The following ATP9A variants were observed in gnomAD, a reference collection of about 807,000 sequenced individuals.
ATP9A encodes probable phospholipid-transporting ATPase IIA.
Under a neutral mutation model 144.1 loss-of-function variants are expected in ATP9A, and 52 were observed. That is an observed-to-expected ratio of 0.36 (90% CI 0.29 to 0.45). The LOEUF (loss-of-function observed/expected upper bound fraction) is 0.45. ATP9A is among the 20% of genes least tolerant of loss of function. The pLI, the probability that ATP9A is intolerant of heterozygous loss-of-function variation, is 1.00. For synonymous variants in ATP9A, 582 were observed against 557.4 expected, an observed-to-expected ratio of 1.04 and a Z score of -0.62; for missense variants, 947 against 1,392.7, an observed-to-expected ratio of 0.68 and a Z score of 5.09.
chr20:51,751,927 C>A (rs1159812320), intron 1 of ATP9A, among the ~76,000 whole-genome samples: 1 of 152,152 alleles, frequency 6.6e-6, no homozygotes, highest in African/African-American at 2.4e-5. Context: ...AATCAAGCAG[C>A]CAGTATTTAC....
chr20:51,707,641 T>C (rs1265983181), intron 4 of ATP9A, among the ~76,000 whole-genome samples: 6 of 152,192 alleles, frequency 3.9e-5, no homozygotes, highest in African/African-American at 1.4e-4. Flanking sequence ...TTTCAACTCC[T>C]GGGAACGATG....
At chr20:51,604,427 G>A (rs2077155208) in intron 27 of ATP9A, among the ~76,000 whole-genome samples, 1 of 152,238 alleles carries the variant, frequency 6.6e-6, no homozygotes, top group African/African-American at 2.4e-5. Context: ...AGGTTCTGGG[G>A]CTCGGCACCT....
intron 2 of ATP9A, among the ~76,000 whole-genome samples, chr20:51,727,780 A>G (rs1209480556): frequency 2.0e-5 from 3 of 151,434 alleles, no homozygotes; most frequent in Non-Finnish European, 4.4e-5. Context: ...AAAATAAAAA[A>G]AGTAGCCGGA....
At chr20:51,740,248 G>A (rs957038791) in intron 1 of ATP9A, among the ~76,000 whole-genome samples, 2 of 151,160 alleles carry the variant, frequency 1.3e-5, no homozygotes, top group African/African-American at 4.9e-5. Context: ...GTAGAGTCAG[G>A]GGTCTCCCTA....
intron 1 of ATP9A, among the ~76,000 whole-genome samples, chr20:51,742,893 G>A (rs536056667): frequency 6.6e-6 from 1 of 152,270 alleles, no homozygotes; most frequent in African/African-American, 2.4e-5. Context: ...AAATACTGAA[G>A]GGAAACTGAA....
chr20:51,683,047 G>A (rs901488339), intron 9 of ATP9A, among the ~76,000 whole-genome samples: 5 of 150,522 alleles, frequency 3.3e-5, no homozygotes, highest in Non-Finnish European at 5.9e-5. Context: ...AGCAGAGATC[G>A]CACCATTGCA....
chr20:51,628,452 T>C (rs923525164), intron 16 of ATP9A, among the ~76,000 whole-genome samples: 2 of 152,164 alleles, frequency 1.3e-5, no homozygotes, highest in African/African-American at 4.8e-5. Flanking sequence ...TGAGGGGATG[T>C]CACATCTGAG....
chr20:51,613,732 G>T lies in ATP9A; in HGVS notation c.2516C>A (p.Ser839Ter), dbSNP rs1323833447. 3 of 1,614,162 alleles carry T rather than the reference G, an allele frequency of 1.9e-6. No homozygotes were observed. The change falls in exon 23 of 28, where the codon TCA becomes TAA. Residue 839 changes from serine to a stop codon, truncating the protein, a stop_gained. Transcript: ENST00000338821. LOFTEE classifies it high-confidence loss of function. ...AATCACGAACTGGCTGAGGGCGGCTGACCGCTTGTAGCTGTTCCGGCCATG... is the reference window on the plus strand; with the variant it reads ...AATCACGAACTGGCTGAGGGCGGCTTACCGCTTGTAGCTGTTCCGGCCATG... ...MVHGRNSYKR[S>*]AALSQFVIHR... is the part of the protein sequence containing the mutation.
intron 18 of ATP9A, among the ~76,000 whole-genome samples, chr20:51,622,878 T>C (rs910421393): frequency 3.3e-5 from 5 of 152,058 alleles, no homozygotes; most frequent in Non-Finnish European, 5.9e-5. Flanking sequence ...GGGCTATCGG[T>C]CAAAGAAAAT....
intron 14 of ATP9A, among the ~76,000 whole-genome samples, chr20:51,642,419 A>G (rs761575565): frequency 4.6e-5 from 7 of 152,046 alleles, no homozygotes; most frequent in Non-Finnish European, 5.9e-5. Context: ...CCTCCCTCCC[A>G]AAGTGCTGGG....
intron 19 of ATP9A, among the ~76,000 whole-genome samples, chr20:51,621,118 G>A (rs892878782): frequency 6.8e-6 from 1 of 147,958 alleles, no homozygotes; most frequent in South Asian, 2.1e-4. Context: ...CTGCACCCCA[G>A]CCTGGGTGAT....
In ATP9A at chr20:51,618,958, A is replaced by T. The variant is rs781614142; in HGVS notation, c.2201T>A (p.Leu734Gln). 3 of 1,614,108 alleles carry T rather than the reference A, an allele frequency of 1.9e-6. No individual in the cohort carries two copies. The highest frequency in any genetic ancestry group is 2.5e-6 in the Non-Finnish European group (3 of 1,179,970). The change falls in exon 20 of 28, where the codon CTG (leucine) becomes CAG (glutamine). Residue 734 changes from leucine to glutamine, a missense_variant. Transcript: ENST00000338821. ...CTCAGGGGTCCCCAAGCTCACCTCC[A>T]GGGAGTCTCCCGAGATGACCAGGGC... ...DCALVISGDS[L>Q]EVCLKYYEYE...
chr20:51,696,148 T>C lies in ATP9A; in HGVS notation c.496-4A>G, dbSNP rs1420593532. 12 of 1,613,736 alleles carry C rather than the reference T, an allele frequency of 7.4e-6. No homozygotes were observed. The highest frequency in any genetic ancestry group is 9.3e-6 in the Non-Finnish European group (11 of 1,179,662). ...TGTCGGCAGGGACCCGCTGGTTCTG[T>C]GTTATGAAAAGAAAGACTGTTACTG... On this transcript the variant is annotated splice_polypyrimidine_tract_variant and splice_region_variant and intron_variant, in intron 5 of 27. Coordinates refer to ENST00000338821, the MANE Select transcript of ATP9A (RefSeq NM_006045.3).
At chr20:51,638,878 G>A (rs2077306675) in intron 15 of ATP9A, among the ~76,000 whole-genome samples, 1 of 152,022 alleles carries the variant, frequency 6.6e-6, no homozygotes, top group South Asian at 2.1e-4. Flanking sequence ...CTTCAGACTG[G>A]CAAAATTTTT....
In ATP9A at chr20:51,604,829, G is replaced by A; in HGVS notation, c.2995C>T (p.His999Tyr). Residue 999 changes from histidine to tyrosine, a missense_variant, in exon 27 of 28, where the codon CAC becomes TAC. By Grantham distance (83) the His-to-Tyr change is moderately conservative. Around this residue, in one of 2 missense-constraint regions of ATP9A, gnomAD observed 177 missense variants for 344.9 expected, o/e 0.51. Coordinates refer to ENST00000338821, the MANE Select transcript of ATP9A (RefSeq NM_006045.3). ...TCAGGGGTCTTACCGATGAACTCGTGTAAGAACACCAGGGAGGCGATGTAG... is the reference window on the plus strand; with the variant it reads ...TCAGGGGTCTTACCGATGAACTCGTATAAGAACACCAGGGAGGCGATGTAG... ...ACYIASLVFL[H>Y]EFIDVYFIAT... is the part of the protein sequence containing the mutation. The A allele has an allele frequency of 6.6e-7, 1 of 1,523,716 alleles. No individual in the cohort carries two copies. The highest frequency in any genetic ancestry group is 8.8e-7 in the Non-Finnish European group (1 of 1,132,264). 94.4% of individuals were successfully genotyped at this position (1,523,716 alleles called of 1,614,324 possible). A position where few individuals can be genotyped will look rare whatever the true frequency, so the allele number is the denominator to read the frequency against.
intron 1 of ATP9A, among the ~76,000 whole-genome samples, chr20:51,766,230 G>A (rs1419020942): frequency 6.6e-6 from 1 of 152,090 alleles, no homozygotes; most frequent in African/African-American, 2.4e-5. Flanking sequence ...AGAAACCCAG[G>A]TCCCACCCTA....
At chr20:51,675,999 C>T (rs1050054256) in intron 10 of ATP9A, 133 bp downstream of exon 10, 8 of 626,498 alleles carry the variant, frequency 1.3e-5, no homozygotes, top group Non-Finnish European at 1.7e-5. Flanking sequence ...TACACACACA[C>T]ACATATGCAT....
Position 51,682,368 on chromosome 20 carries a change from C to T in ATP9A, c.800-6160G>A, listed in dbSNP as rs1292525850. Among the ~76,000 whole-genome samples, 12 of 152,010 alleles carry T rather than the reference C, an allele frequency of 7.9e-5. No homozygotes were observed. The East Asian group carries it at 9.6e-4, about 12-fold the overall frequency. On this transcript the variant is annotated intron_variant, in intron 9 of 27. Transcript: ENST00000338821. Reference sequence around the variant, plus strand: ...TGAACCGTCCACAAAAAATGAAGTACGTCCTATTCACGTGGCTGTCTAGTA... The same window carrying T: ...TGAACCGTCCACAAAAAATGAAGTATGTCCTATTCACGTGGCTGTCTAGTA...
At chr20:51,661,463 A>T (rs947632740) in intron 13 of ATP9A, among the ~76,000 whole-genome samples, 2 of 151,144 alleles carry the variant, frequency 1.3e-5, no homozygotes, top group Non-Finnish European at 2.9e-5. Context: ...TTCTGGGCTC[A>T]AGTAATCCTC....
Sources: gnomAD v4.1 joint callset for allele counts (sites outside exome capture counted in the v4.1 genomes callset) on GRCh38, gnomAD v4.1.1 for gene constraint, gnomAD v4.1.1 regional missense constraint, MANE v1.5 for transcripts, NCBI Gene and HGNC (gene_info 2026-07-23, HGNC 2026-07-21) for gene names.